The following ATR variants were observed in gnomAD, a reference collection of about 807,000 sequenced individuals.
ATR encodes the protein ATR checkpoint kinase.
In ATR, 142 loss-of-function variants were observed where a neutral mutation model predicts 305.3. The ratio of observed to expected loss-of-function variants is 0.47; its 90% CI spans 0.41 to 0.53. The LOEUF is 0.53. ATR is among the 20% of genes least tolerant of loss of function. ATR has a pLI of 0.00. For synonymous variants in ATR, 1,050 were observed against 1,068.1 expected, an observed-to-expected ratio of 0.98 and a Z score of 0.33; for missense variants, 2,135 against 3,133.1, an observed-to-expected ratio of 0.68 and a Z score of 7.60.
chr3:142,562,607 T>C lies in ATR; in HGVS notation c.795A>G (p.Pro265=), dbSNP rs1437603790. The change falls in exon 4 of 47, where the codon CCA becomes CCG. Residue 265 remains proline, a synonymous_variant. Transcript: ENST00000350721. ...LFQLGGLPAQ[P]ASTFFSSFLE... ...AAAATGAGCTGAAAAAAGTGCTAGC[T>C]GGTTGTGCTGGTAGTCCTCCAAGCT... 8 of 1,614,012 alleles carry C rather than the reference T, an allele frequency of 5.0e-6. No homozygotes were observed. Among genetic ancestry groups the C allele is most frequent in the Non-Finnish European group, 6.8e-6 (8 of 1,180,002 alleles).
At chr3:142,522,515 T>C (rs1460871151) in intron 23 of ATR, among the ~76,000 whole-genome samples, 1 of 152,180 alleles carries the variant, frequency 6.6e-6, no homozygotes, top group African/African-American at 2.4e-5. Flanking sequence ...GTAGTATATA[T>C]TTGTATATAC....
At chr3:142,451,474 C>A (rs1002784134) in intron 46 of ATR, 2 of 1,486,060 alleles carry the variant, frequency 1.3e-6, no homozygotes, top group African/African-American at 1.4e-5. Context: ...CTGGCTTGCC[C>A]AGACATCTTA....
intron 44 of ATR, 103 bp downstream of exon 44, chr3:142,458,855 G>A: frequency 7.5e-7 from 1 of 1,326,302 alleles, no homozygotes; most frequent in African/African-American, 1.5e-5. Context: ...TAACTCAACT[G>A]TGAGTATAAC....
In ATR at chr3:142,487,919, T is replaced by C. The variant is rs74427474; in HGVS notation, c.6079-2637A>G. 3.8e-4 allele frequency among the ~76,000 whole-genome samples: 58 copies of C among 152,332 alleles called. 1 individual carries two copies. The East Asian group carries it at 9.3e-3, about 24-fold the overall frequency. Reference sequence around the variant, plus strand: ...AAGATACCCAAGTGATACAACAACATTTATTGAAAAGACTATTTTGGTTAT... The same window carrying C: ...AAGATACCCAAGTGATACAACAACACTTATTGAAAAGACTATTTTGGTTAT... On this transcript the variant is annotated intron_variant, in intron 35 of 46. Transcript: ENST00000350721.
At chr3:142,546,984 A>C (rs923890675) in intron 16 of ATR, among the ~76,000 whole-genome samples, 1 of 152,188 alleles carries the variant, frequency 6.6e-6, no homozygotes. Context: ...TTTATATCCT[A>C]CTGCTCAAGG....
chr3:142,541,133 T>C, intron 17 of ATR, 99 bp from the exon 18 acceptor site: 5 of 1,396,838 alleles, frequency 3.6e-6, no homozygotes, highest in Non-Finnish European at 5.1e-6. Context: ...TATCAGGGTG[T>C]CATCTATTCT....
chr3:142,501,544 T>A (rs1226709052), intron 30 of ATR, among the ~76,000 whole-genome samples: 1 of 151,950 alleles, frequency 6.6e-6, no homozygotes, highest in African/African-American at 2.4e-5. Flanking sequence ...TCAGAATCTA[T>A]AAAAAGCTCA....
At chr3:142,556,628 A>G in intron 8 of ATR, 53 bp from the exon 9 acceptor site, 2 of 1,484,608 alleles carry the variant, frequency 1.3e-6, no homozygotes, top group Non-Finnish European at 1.9e-6. Flanking sequence ...AATTTTATGT[A>G]TACACATATA....
chr3:142,455,358 C>G (rs1352288943), intron 45 of ATR, among the ~76,000 whole-genome samples: 4 of 152,162 alleles, frequency 2.6e-5, no homozygotes, highest in African/African-American at 7.2e-5. Flanking sequence ...GACAGCAATA[C>G]TCCCTAATTG....
At chr3:142,502,157 G>A (rs1322981546) in intron 30 of ATR, among the ~76,000 whole-genome samples, 2 of 152,194 alleles carry the variant, frequency 1.3e-5, no homozygotes, top group African/African-American at 2.4e-5. Flanking sequence ...ACTGTGGAAG[G>A]CGGTTTAGAG....
chr3:142,480,171 T>C lies in ATR; in HGVS notation c.6221+4969A>G, dbSNP rs554475776. ...GGAGGAGGAGAGGCCCTCTGATTTT[T>C]AGAATTTTCAGTTTTTCTGTTCTGT... On this transcript the variant is annotated intron_variant, in intron 36 of 46. Coordinates refer to ENST00000350721, the MANE Select transcript of ATR (RefSeq NM_001184.4). Among the ~76,000 whole-genome samples, 27 of 152,364 alleles carry C rather than the reference T, an allele frequency of 1.8e-4. No individual in the cohort carries two copies. The South Asian group carries it at 4.8e-3, about 27-fold the overall frequency.
chr3:142,530,534 T>C (rs994405375), intron 21 of ATR, among the ~76,000 whole-genome samples: 2 of 152,220 alleles, frequency 1.3e-5, no homozygotes, highest in African/African-American at 4.8e-5. Context: ...AACAGCTATC[T>C]GCAGTAAGCA....
intron 6 of ATR, 120 bp downstream of exon 6, chr3:142,560,143 A>T: frequency 2.1e-6 from 2 of 934,278 alleles, no homozygotes; most frequent in African/African-American, 1.6e-5. Flanking sequence ...TAAATTTATT[A>T]ACTACTTCAG....
intron 45 of ATR, among the ~76,000 whole-genome samples, chr3:142,454,480 G>A (rs957148603): frequency 8.1e-6 from 1 of 123,516 alleles, no homozygotes; most frequent in African/African-American, 3.3e-5. Flanking sequence ...TCTCGCTGTC[G>A]CCCAGGCTGG....
intron 46 of ATR, chr3:142,450,504 T>C: frequency 6.2e-7 from 1 of 1,604,082 alleles, no homozygotes; most frequent in South Asian, 1.1e-5. Flanking sequence ...ATCAGGATCC[T>C]TGTGAGGCTA....
intron 21 of ATR, among the ~76,000 whole-genome samples, chr3:142,531,990 AT>A (rs1485593994): frequency 2.6e-5 from 4 of 152,048 alleles, no homozygotes. Context: ...TTTGATTTGC[AT>A]TTCTCTGATG....
At chr3:142,456,561 A>G (rs2070912672) in intron 45 of ATR, among the ~76,000 whole-genome samples, 1 of 152,058 alleles carries the variant, frequency 6.6e-6, no homozygotes, top group African/African-American at 2.4e-5. Context: ...GACAGAGCGA[A>G]ACCCTGTCTC....
chr3:142,480,473 C>T (rs1379341074), intron 36 of ATR, among the ~76,000 whole-genome samples: 3 of 152,196 alleles, frequency 2.0e-5, no homozygotes, highest in East Asian at 1.9e-4. Flanking sequence ...GGTACCCGGC[C>T]GTGTGAGGTG....
At chr3:142,577,190 C>G (rs1345602358) in intron 1 of ATR, among the ~76,000 whole-genome samples, 1 of 152,134 alleles carries the variant, frequency 6.6e-6, no homozygotes, top group African/African-American at 2.4e-5. Flanking sequence ...TTTTTCTATT[C>G]TTTCTCTTGG....
Sources: allele counts gnomAD v4.1 joint callset (sites outside exome capture counted in the v4.1 genomes callset), GRCh38; gene constraint gnomAD v4.1.1; transcripts MANE v1.5; gene names NCBI Gene and HGNC (gene_info 2026-07-23, HGNC 2026-07-21).